The following PDE4D variants were observed in gnomAD, a reference collection of about 807,000 sequenced individuals.
PDE4D encodes the protein 3',5'-cyclic-AMP phosphodiesterase 4D.
Under a neutral mutation model 87.4 loss-of-function variants are expected in PDE4D, and 24 were observed. The ratio of observed to expected loss-of-function variants is 0.27; its 90% CI spans 0.20 to 0.39. The LOEUF (loss-of-function observed/expected upper bound fraction) is 0.39. PDE4D is among the 10% of genes least tolerant of loss of function. The pLI is 1.00. For synonymous variants in PDE4D, 384 were observed against 383.2 expected (o/e 1.00, Z -0.02); for missense variants, 714 against 1,041.0 (o/e 0.69, Z 4.32).
chr5:59,138,156 A>G (rs921887753), intron 5 of PDE4D, among the ~76,000 whole-genome samples: 10 of 152,352 alleles, frequency 6.6e-5, no homozygotes, highest in Non-Finnish European at 7.3e-5. Context: ...AGATTTGAGA[A>G]TGGCATCAGA....
rs184366904 is a variant in PDE4D, at chr5:60,044,700, T to G, written c.43-55983A>C. Among the ~76,000 whole-genome samples the G allele has an allele frequency of 2.6e-5, 4 of 152,348 alleles. No homozygotes were observed. In the East Asian group the frequency reaches 7.7e-4, roughly 29 times the overall value. ...CCCTACAAAGGACATGAACTCATCA[T>G]GTTTTATGGCCGCATAGTATTGCAT... On this transcript the variant is annotated intron_variant, in intron 2 of 16. Transcript: ENST00000502484.
intron 3 of PDE4D, among the ~76,000 whole-genome samples, chr5:59,190,214 C>A (rs1744008316): frequency 6.6e-6 from 1 of 152,000 alleles, no homozygotes; most frequent in Admixed American, 6.6e-5. Context: ...CAGGGGAAGG[C>A]CATTTTTAGG....
chr5:60,194,280 A>C (rs13186687), intron 1 of PDE4D, among the ~76,000 whole-genome samples: 10,555 of 151,628 alleles, frequency 0.07, 655 homozygotes, highest in Middle Eastern at 0.11. Flanking sequence ...AAAATCTAAC[A>C]AACTTTTCAC....
chr5:59,159,906 T>A lies in PDE4D; in HGVS notation c.808+20689A>T, dbSNP rs115062238. On this transcript the variant is annotated intron_variant, in intron 5 of 14. Coordinates refer to ENST00000340635, the MANE Select transcript of PDE4D (RefSeq NM_001104631.2). ...ACAATATGGGACAGCAGATGAGAAA[T>A]TAAAGTGCAGCCAGATTTGCTGCTC... Among the ~76,000 whole-genome samples, 936 of 152,136 alleles carry A rather than the reference T, an allele frequency of 6.2e-3. 9 individuals are homozygous for A. Among genetic ancestry groups the A allele is most frequent in the African/African-American group, 0.022 (897 of 41,496 alleles).
At chr5:59,449,559 C>T (rs1230876305) in intron 1 of PDE4D, among the ~76,000 whole-genome samples, 1 of 152,112 alleles carries the variant, frequency 6.6e-6, no homozygotes, top group African/African-American at 2.4e-5. Context: ...TCTTACCTGC[C>T]ACAAATATCT....
chr5:59,995,274 A>G (rs1561958229), intron 2 of PDE4D, among the ~76,000 whole-genome samples: 1 of 151,336 alleles, frequency 6.6e-6, no homozygotes, highest in Admixed American at 6.6e-5. Flanking sequence ...GGCATTGTCC[A>G]AGCTGCTATC....
At chr5:59,916,250 G>A (rs1368741977) in intron 3 of PDE4D, among the ~76,000 whole-genome samples, 3 of 152,062 alleles carry the variant, frequency 2.0e-5, no homozygotes, top group African/African-American at 7.2e-5. Context: ...TATGCAACAA[G>A]CTCACATGTC....
At chr5:59,685,646 C>T (rs1021124571) in intron 1 of PDE4D, among the ~76,000 whole-genome samples, 1 of 152,122 alleles carries the variant, frequency 6.6e-6, no homozygotes, top group African/African-American at 2.4e-5. Flanking sequence ...TTTTAAACTA[C>T]TCTGCCTTCT....
chr5:59,160,763 G>C (rs912718160), intron 5 of PDE4D, among the ~76,000 whole-genome samples: 4 of 151,746 alleles, frequency 2.6e-5, no homozygotes, highest in African/African-American at 9.7e-5. Flanking sequence ...AGTGGCAGGC[G>C]TAATATGCCT....
intron 1 of PDE4D, among the ~76,000 whole-genome samples, chr5:59,791,077 C>T (rs1765731749): frequency 6.6e-6 from 1 of 152,294 alleles, no homozygotes; most frequent in African/African-American, 2.4e-5. Context: ...AGAGTCCTGA[C>T]AGTACGTCCA....
intron 2 of PDE4D, among the ~76,000 whole-genome samples, chr5:59,211,596 C>CT (rs564515985): frequency 4.6e-5 from 7 of 151,732 alleles, no homozygotes; most frequent in African/African-American, 9.7e-5. Flanking sequence ...AAAATGCTTG[C>CT]TTTTTTTTCA....
chr5:60,097,235 C>T (rs1376447018), intron 2 of PDE4D, among the ~76,000 whole-genome samples: 3 of 134,654 alleles, frequency 2.2e-5, no homozygotes, highest in Non-Finnish European at 5.0e-5. Flanking sequence ...TGGCCGTGTA[C>T]CTAGATACTG....
In PDE4D at chr5:60,330,634, C is replaced by G. The variant is rs1362063643; in HGVS notation, c.-89-144947G>C. 2.6e-5 allele frequency among the ~76,000 whole-genome samples: 4 copies of G among 152,326 alleles called. No homozygotes were observed. The East Asian group carries it at 5.8e-4, about 22-fold the overall frequency. Reference sequence around the variant, plus strand: ...AACAGAGGGACCCTGCCAATCAACTCCTGAGAAACAGGCATTCTCACAACT... The same window carrying G: ...AACAGAGGGACCCTGCCAATCAACTGCTGAGAAACAGGCATTCTCACAACT... On this transcript the variant is annotated intron_variant, in intron 1 of 16. Coordinates refer to the PDE4D transcript ENST00000502484.
chr5:59,110,006 T>G lies in PDE4D; in HGVS notation c.808+70589A>C, dbSNP rs147690743. Among the ~76,000 whole-genome samples the G allele has an allele frequency of 1.3e-3, 195 of 152,302 alleles. 1 individual carries two copies. The highest frequency in any genetic ancestry group is 4.5e-3 in the African/African-American group (185 of 41,556). On this transcript the variant is annotated intron_variant, in intron 5 of 14. Transcript: ENST00000340635. Reference sequence around the variant, plus strand: ...GTGTGCCCATCCTCCTGTGATGATCTCCCTACTGCTCACATGCATGTCCTA... The same window carrying G: ...GTGTGCCCATCCTCCTGTGATGATCGCCCTACTGCTCACATGCATGTCCTA...
At position 60,479,782 on chromosome 5, in the gene PDE4D, T is replaced by C. The variant is rs942961707; in HGVS notation, c.-90+8160A>G. Among the ~76,000 whole-genome samples, 7 of 152,274 alleles carry C rather than the reference T, an allele frequency of 4.6e-5. No individual in the cohort carries two copies. The South Asian group carries it at 8.3e-4, about 18-fold the overall frequency. ...AAAAACAGATTTGGCCTACAGGAAG[T>C]AGTAGTTTGCCAACCCTTGCTCTAA... is the stretch of plus-strand genomic sequence containing the variant. On this transcript the variant is annotated intron_variant, in intron 1 of 16. Coordinates refer to the PDE4D transcript ENST00000502484.
chr5:59,391,472 T>C (rs559377376), intron 1 of PDE4D, among the ~76,000 whole-genome samples: 1 of 152,238 alleles, frequency 6.6e-6, no homozygotes, highest in East Asian at 1.9e-4. Flanking sequence ...AGGATGATGG[T>C]AGTGAGAACA....
intron 3 of PDE4D, among the ~76,000 whole-genome samples, chr5:59,944,302 T>C (rs1036586420): frequency 6.6e-6 from 1 of 152,252 alleles, no homozygotes; most frequent in African/African-American, 2.4e-5. Flanking sequence ...TGATAAAATT[T>C]TGCATTAGGA....
chr5:59,973,010 T>C (rs1457280528), intron 3 of PDE4D, among the ~76,000 whole-genome samples: 3 of 152,136 alleles, frequency 2.0e-5, no homozygotes, highest in Non-Finnish European at 2.9e-5. Flanking sequence ...ATCTGGAGAA[T>C]TCTGAAAGGC....
intron 1 of PDE4D, among the ~76,000 whole-genome samples, chr5:60,517,381 G>C (rs1277146788): frequency 1.3e-5 from 2 of 152,380 alleles, no homozygotes; most frequent in Middle Eastern, 3.4e-3. Flanking sequence ...CCCACCGTTA[G>C]GCCTGGGATG....
Sources: gnomAD v4.1 joint callset for allele counts (sites outside exome capture counted in the v4.1 genomes callset) on GRCh38, gnomAD v4.1.1 for gene constraint, MANE v1.5 for transcripts, NCBI Gene and HGNC (gene_info 2026-07-23, HGNC 2026-07-21) for gene names.